The following ESRRG variants were observed in gnomAD, a reference collection of about 807,000 sequenced individuals.
ESRRG encodes the protein estrogen related receptor gamma, also known as estrogen-related receptor gamma.
Under a neutral mutation model 44.0 loss-of-function variants are expected in ESRRG, and 13 were observed. The ratio of observed to expected loss-of-function variants is 0.30; its 90% CI spans 0.19 to 0.47. ESRRG has a LOEUF of 0.47. ESRRG is among the 20% of genes least tolerant of loss of function. ESRRG has a pLI of 1.00. For missense variants in ESRRG, 395 were observed against 580.6 expected, an observed-to-expected ratio of 0.68 and a Z score of 3.29; for synonymous variants, 215 against 214.6, an observed-to-expected ratio of 1.00 and a Z score of -0.02.
At chr1:216,743,933 A>C (rs1162082863) in intron 2 of ESRRG, among the ~76,000 whole-genome samples, 2 of 152,212 alleles carry the variant, frequency 1.3e-5, no homozygotes, top group Non-Finnish European at 2.9e-5. Flanking sequence ...GCTTACGGAA[A>C]CTTTTGCTCT....
intron 1 of ESRRG, among the ~76,000 whole-genome samples, chr1:217,024,072 T>C (rs2080789238): frequency 6.6e-6 from 1 of 152,188 alleles, no homozygotes; most frequent in Admixed American, 6.5e-5. Flanking sequence ...AATTTAGAGC[T>C]GTACAGCAGG....
chr1:216,556,079 A>G (rs902417986), intron 5 of ESRRG, among the ~76,000 whole-genome samples: 6 of 152,198 alleles, frequency 3.9e-5, no homozygotes, highest in Non-Finnish European at 7.3e-5. Context: ...GCATTTAAGC[A>G]TATATGAATT....
chr1:216,514,031 T>C (rs1384716166), intron 6 of ESRRG, among the ~76,000 whole-genome samples: 2 of 152,178 alleles, frequency 1.3e-5, no homozygotes, highest in Non-Finnish European at 2.9e-5. Flanking sequence ...AAGCACATAT[T>C]ACCCAGGTAT....
intron 2 of ESRRG, among the ~76,000 whole-genome samples, chr1:216,671,290 T>C (rs1464673593): frequency 6.6e-6 from 1 of 152,194 alleles, no homozygotes; most frequent in African/African-American, 2.4e-5. Flanking sequence ...TAAATATAAC[T>C]AAACAAATTT....
chr1:216,850,816 A>C (rs569945008), intron 2 of ESRRG, among the ~76,000 whole-genome samples: 1 of 152,138 alleles, frequency 6.6e-6, no homozygotes, highest in African/African-American at 2.4e-5. Flanking sequence ...TCTATTGATG[A>C]ATCATTTACC....
At chr1:216,871,914 T>A (rs1361012029) in intron 2 of ESRRG, among the ~76,000 whole-genome samples, 1 of 152,102 alleles carries the variant, frequency 6.6e-6, no homozygotes, top group Non-Finnish European at 1.5e-5. Context: ...TGTTCTTTCA[T>A]CCTTGTTCCA....
At chr1:216,760,770 A>G (rs923820891) in intron 2 of ESRRG, among the ~76,000 whole-genome samples, 1 of 152,058 alleles carries the variant, frequency 6.6e-6, no homozygotes, top group Non-Finnish European at 1.5e-5. Flanking sequence ...GAAAATCACT[A>G]TTTTATTAAT....
chr1:216,799,621 A>G (rs1387744288), intron 2 of ESRRG, among the ~76,000 whole-genome samples: 1 of 152,188 alleles, frequency 6.6e-6, no homozygotes, highest in Admixed American at 6.6e-5. Flanking sequence ...AATGTATACG[A>G]AAGAAAATGA....
At chr1:216,728,133 T>C (rs1489497146), upstream of ESRRG, among the ~76,000 whole-genome samples, 1 of 152,218 alleles carries the variant, frequency 6.6e-6, no homozygotes, top group Non-Finnish European at 1.5e-5. Flanking sequence ...TACAGTATCC[T>C]ACAAGCTTTC....
chr1:216,843,596 A>T (rs1479005125), intron 2 of ESRRG, among the ~76,000 whole-genome samples: 1 of 152,158 alleles, frequency 6.6e-6, no homozygotes, highest in Non-Finnish European at 1.5e-5. Flanking sequence ...CGCGGATCAC[A>T]TTCTGATGAT....
At chr1:217,068,437 C>A (rs1165299985) in intron 1 of ESRRG, among the ~76,000 whole-genome samples, 1 of 151,790 alleles carries the variant, frequency 6.6e-6, no homozygotes, top group African/African-American at 2.4e-5. Context: ...TCTCCTGCAC[C>A]AACCCTCTTC....
chr1:217,093,859 T>C (rs1289660268), upstream of ESRRG, among the ~76,000 whole-genome samples: 3 of 151,402 alleles, frequency 2.0e-5, no homozygotes, highest in African/African-American at 7.3e-5. Flanking sequence ...GATAAAATTA[T>C]TTATTATTAT....
At chr1:216,533,005 T>C (rs1256275236) in intron 5 of ESRRG, among the ~76,000 whole-genome samples, 1 of 152,192 alleles carries the variant, frequency 6.6e-6, no homozygotes, top group East Asian at 1.9e-4. Context: ...GGATACAGCT[T>C]AGAATAATTA....
At chr1:216,581,774 T>C (rs1254613738) in intron 3 of ESRRG, among the ~76,000 whole-genome samples, 2 of 152,208 alleles carry the variant, frequency 1.3e-5, no homozygotes, top group South Asian at 2.1e-4. Context: ...TGGGCAATCT[T>C]GAATGTGAGT....
intron 3 of ESRRG, among the ~76,000 whole-genome samples, chr1:216,615,247 C>A (rs2061260563): frequency 6.6e-6 from 1 of 152,166 alleles, no homozygotes; most frequent in South Asian, 2.1e-4. Flanking sequence ...TTAACACCAA[C>A]CTTCAGGGAA....
chr1:216,693,209 G>A (rs2079414964), intron 1 of ESRRG, among the ~76,000 whole-genome samples: 2 of 152,200 alleles, frequency 1.3e-5, no homozygotes, highest in African/African-American at 2.4e-5. Context: ...AATACTATGA[G>A]CCTATTTCTA....
At chr1:216,785,222 T>G (rs980946343) in intron 2 of ESRRG, among the ~76,000 whole-genome samples, 3 of 152,124 alleles carry the variant, frequency 2.0e-5, no homozygotes, top group Non-Finnish European at 4.4e-5. Context: ...CCCTGTATTT[T>G]TATTACAAGT....
intron 2 of ESRRG, among the ~76,000 whole-genome samples, chr1:216,852,112 G>A (rs983291109): frequency 7.9e-5 from 12 of 152,116 alleles, no homozygotes; most frequent in Admixed American, 6.6e-4. Flanking sequence ...TTCCCAAAAG[G>A]GTTGTTTAGG....
intron 5 of ESRRG, among the ~76,000 whole-genome samples, chr1:216,559,121 C>T (rs1409156038): frequency 2.0e-5 from 3 of 152,050 alleles, no homozygotes; most frequent in African/African-American, 4.8e-5. Context: ...CCACCTGCCT[C>T]GGCCTCCCAA....
Sources: gnomAD v4.1 joint callset for allele counts (sites outside exome capture counted in the v4.1 genomes callset) on GRCh38, gnomAD v4.1.1 for gene constraint, MANE v1.5 for transcripts, NCBI Gene and HGNC (gene_info 2026-07-23, HGNC 2026-07-21) for gene names.